CPXM2: variants seen among roughly 807,000 people sequenced by gnomAD.
CPXM2 encodes the protein carboxypeptidase X, M14 family member 2.
CPXM2 carries 66 observed loss-of-function variants against 86.1 expected under a neutral mutation model. The ratio of observed to expected loss-of-function variants is 0.77; its 90% confidence interval spans 0.63 to 0.94. The LOEUF is 0.94. Among genes scored for constraint, CPXM2 ranks in the 40% least tolerant of loss-of-function variants. CPXM2 has a pLI of 0.00. For synonymous variants in CPXM2, 388 were observed against 400.2 expected (o/e 0.97, Z 0.36); for missense variants, 948 against 1,026.3 (o/e 0.92, Z 1.04).
chr10:123,833,860 T>C (rs1258788070), intron 4 of CPXM2, among the ~76,000 whole-genome samples: 2 of 152,062 alleles, frequency 1.3e-5, no homozygotes, highest in Non-Finnish European at 2.9e-5. Context: ...GGCACGAGAA[T>C]AGGACCCTCT....
intron 4 of CPXM2, among the ~76,000 whole-genome samples, chr10:123,839,187 C>A (rs527933793): frequency 6.6e-6 from 1 of 152,106 alleles, no homozygotes. Flanking sequence ...TTTATGAGAT[C>A]GAGAGTAGTT....
chr10:123,863,734 C>T (rs1848911637), intron 2 of CPXM2, among the ~76,000 whole-genome samples: 1 of 152,354 alleles, frequency 6.6e-6, no homozygotes, highest in East Asian at 1.9e-4. Context: ...CCAGAAGCCC[C>T]ACCCTGCCAC....
chr10:123,821,846 T>C (rs1040967840), intron 4 of CPXM2, among the ~76,000 whole-genome samples: 2 of 152,262 alleles, frequency 1.3e-5, no homozygotes, highest in African/African-American at 2.4e-5. Context: ...AAACCCATTC[T>C]AAACAATTCA....
chr10:123,843,092 G>A (rs1417404729), intron 3 of CPXM2, among the ~76,000 whole-genome samples: 2 of 151,926 alleles, frequency 1.3e-5, no homozygotes, highest in African/African-American at 4.8e-5. Context: ...GATGTGTTCA[G>A]TATCAGCTGC....
At chr10:123,756,154 C>T (rs1188046302) in intron 12 of CPXM2, among the ~76,000 whole-genome samples, 1 of 152,194 alleles carries the variant, frequency 6.6e-6, no homozygotes, top group Non-Finnish European at 1.5e-5. Flanking sequence ...GACTCCTGAG[C>T]ACAACCCATG....
chr10:123,778,452 C>T lies in CPXM2; in HGVS notation c.978+1715G>A, dbSNP rs1248671967. Among the ~76,000 whole-genome samples the T allele has an allele frequency of 5.3e-5, 8 of 152,272 alleles. No individual in the cohort carries two copies. In the East Asian group the frequency reaches 7.7e-4, roughly 15 times the overall value. On this transcript the variant is annotated intron_variant, in intron 7 of 13. Coordinates refer to ENST00000241305, the MANE Select transcript of CPXM2 (RefSeq NM_198148.3). ...GTTGATAACTGCTGAGCTGTGGGAT[C>T]GCACAGGGGTCTCCCAGTGTCACCC...
chr10:123,858,681 G>A (rs1848793250), intron 3 of CPXM2, among the ~76,000 whole-genome samples: 1 of 152,132 alleles, frequency 6.6e-6, no homozygotes, highest in South Asian at 2.1e-4. Context: ...ACGTGCATAA[G>A]GCACTTAGCA....
At chr10:123,916,661 T>C (rs561357469) in intron 2 of CPXM2, among the ~76,000 whole-genome samples, 1 of 152,230 alleles carries the variant, frequency 6.6e-6, no homozygotes, top group African/African-American at 2.4e-5. Context: ...GCTCAGAACC[T>C]GGCAAACATC....
intron 11 of CPXM2, among the ~76,000 whole-genome samples, chr10:123,759,288 C>G (rs1846281756): frequency 6.6e-6 from 1 of 152,204 alleles, no homozygotes; most frequent in South Asian, 2.1e-4. Flanking sequence ...TCCGGGAGAG[C>G]TGAACACCTG....
intron 2 of CPXM2, among the ~76,000 whole-genome samples, chr10:123,931,995 T>A (rs115972478): frequency 7.2e-5 from 11 of 152,190 alleles, no homozygotes; most frequent in African/African-American, 2.2e-4. Context: ...TAAGTCAGTA[T>A]ACAGAGTATA....
intron 10 of CPXM2, among the ~76,000 whole-genome samples, chr10:123,766,689 T>C (rs1398223259): frequency 6.6e-6 from 1 of 152,164 alleles, no homozygotes; most frequent in African/African-American, 2.4e-5. Context: ...AGAAAGATAA[T>C]AAAGGTAGTA....
rs143047190 is a variant in CPXM2 at position 123,927,692 on chromosome 10, A to G, written n.174+11785T>C. 3.8e-3 allele frequency among the ~76,000 whole-genome samples: 572 copies of G among 152,310 alleles called. 4 individuals carry two copies. Among genetic ancestry groups the G allele is most frequent in the African/African-American group, 0.013 (553 of 41,580 alleles). On this transcript the variant is annotated intron_variant and non_coding_transcript_variant, in intron 2 of 19. Coordinates refer to the CPXM2 transcript ENST00000368854. ...TAGCTCCCAGTAGCTGTTAACAACT[A>G]TTCTCATTGGCCAGACACCTGCCAC... is the stretch of plus-strand genomic sequence containing the variant.
intron 2 of CPXM2, among the ~76,000 whole-genome samples, chr10:123,906,695 CTCCAAAAG>C (rs1945445002): frequency 6.6e-6 from 1 of 152,168 alleles, no homozygotes; most frequent in South Asian, 2.1e-4. Context: ...CCAAACTTGG[CTCCAAAAG>C]ATCTGGGGCC....
intron 2 of CPXM2, among the ~76,000 whole-genome samples, chr10:123,932,256 C>G (rs772864327): frequency 6.6e-6 from 1 of 152,194 alleles, no homozygotes; most frequent in Non-Finnish European, 1.5e-5. Context: ...TTGGGCTGCT[C>G]TGGTGCCTGT....
intron 2 of CPXM2, among the ~76,000 whole-genome samples, chr10:123,863,189 C>T (rs142641327): frequency 2.8e-4 from 42 of 152,348 alleles, no homozygotes; most frequent in Middle Eastern, 3.4e-3. Context: ...ACACCATTTG[C>T]CCCTGGAATA....
intron 13 of CPXM2, chr10:123,752,282 G>A (rs1386100850): frequency 1.0e-6 from 1 of 985,172 alleles, no homozygotes. Flanking sequence ...CCTATGAGGG[G>A]CTACTACGTA....
chr10:123,779,762 C>T (rs1222620557), intron 7 of CPXM2, among the ~76,000 whole-genome samples: 4 of 152,138 alleles, frequency 2.6e-5, no homozygotes, highest in Non-Finnish European at 4.4e-5. Context: ...ATTAGGAGGA[C>T]TGAACGTGAT....
intron 1 of CPXM2, among the ~76,000 whole-genome samples, chr10:123,890,887 A>ATC (rs1340158644): frequency 3.3e-5 from 5 of 152,152 alleles, no homozygotes; most frequent in Non-Finnish European, 5.9e-5. Context: ...GGGAGCTGAG[A>ATC]AGGGACACGA....
At chr10:123,837,707 T>G (rs969577868) in intron 4 of CPXM2, among the ~76,000 whole-genome samples, 3 of 152,186 alleles carry the variant, frequency 2.0e-5, no homozygotes, top group Non-Finnish European at 4.4e-5. Context: ...TAAAACAATC[T>G]GGTTGTTTTA....
Sources: gnomAD v4.1 joint callset for allele counts (sites outside exome capture counted in the v4.1 genomes callset) on GRCh38, gnomAD v4.1.1 for gene constraint, MANE v1.5 for transcripts, NCBI Gene and HGNC (gene_info 2026-07-23, HGNC 2026-07-21) for gene names.